DOCK3: variants seen among roughly 807,000 people sequenced by gnomAD.
DOCK3 encodes dedicator of cytokinesis protein 3.
Under a neutral mutation model 265.6 loss-of-function variants are expected in DOCK3, and 60 were observed. The ratio of observed to expected loss-of-function variants is 0.23; its 90% confidence interval spans 0.18 to 0.28. The LOEUF (loss-of-function observed/expected upper bound fraction) is 0.28. Ranked by LOEUF, DOCK3 falls within the 10% of genes least tolerant of loss-of-function variation. The pLI, the probability that DOCK3 is intolerant of heterozygous loss-of-function variation, is 1.00. For missense variants in DOCK3, 1,981 were observed against 2,594.3 expected (o/e 0.76, Z 5.14); for synonymous variants, 881 against 938.0 (o/e 0.94, Z 1.11).
In DOCK3 at chr3:51,277,697, G is replaced by A. The variant is rs761737213; in HGVS notation, c.2766G>A (p.Ser922=). 1.1e-5 allele frequency: 17 copies of A among 1,610,558 alleles called. No homozygotes were observed. Among genetic ancestry groups the A allele is most frequent in the Non-Finnish European group, 1.4e-5 (16 of 1,178,812 alleles). Reference sequence around the variant, plus strand: ...CTCTGCTCACCATCATGAGCAAATCGCACGCTCAGGAGGCGGTAAGAGGGC... The same window carrying A: ...CTCTGCTCACCATCATGAGCAAATCACACGCTCAGGAGGCGGTAAGAGGGC... ...LQTLLTIMSK[S]HAQEAVRGQR... is the part of the protein sequence containing the mutation. The change falls in exon 26 of 53, where the codon TCG becomes TCA. Residue 922 remains serine, a synonymous_variant. Coordinates refer to ENST00000266037, the MANE Select transcript of DOCK3 (RefSeq NM_004947.5).
intron 5 of DOCK3, among the ~76,000 whole-genome samples, chr3:50,974,522 A>AT (rs2077365332): frequency 6.6e-6 from 1 of 151,852 alleles, no homozygotes; most frequent in Admixed American, 6.6e-5. Flanking sequence ...TACCAGTAGC[A>AT]TGCTGTTTTG....
chr3:50,874,600 T>C (rs1414337924), intron 3 of DOCK3, among the ~76,000 whole-genome samples: 1 of 152,184 alleles, frequency 6.6e-6, no homozygotes, highest in African/African-American at 2.4e-5. Context: ...TTTCCATTTA[T>C]TTTGTGTCCT....
chr3:51,037,504 G>A lies in DOCK3; in HGVS notation c.316-26944G>A, dbSNP rs115638822. On this transcript the variant is annotated intron_variant, in intron 5 of 52. Transcript: ENST00000266037. ...AATATTAGTCATGTATTACATGCCC[G>A]ACATTGTTATAGGTTCTAGAGTTGC... Among the ~76,000 whole-genome samples, 980 of 152,102 alleles carry A rather than the reference G, an allele frequency of 6.4e-3. 6 individuals carry two copies. Among genetic ancestry groups the A allele is most frequent in the Non-Finnish European group, 0.011 (752 of 67,994 alleles).
At chr3:51,229,719 TTTGTTG>T (rs533052192) in intron 19 of DOCK3, 110 bp downstream of exon 19, 3 of 771,670 alleles carry the variant, frequency 3.9e-6, no homozygotes, top group East Asian at 3.2e-5. Context: ...TCATCAGATT[TTTGTTG>T]TTGTTGTTGT....
At chr3:51,287,404 A>G (rs985310253) in intron 27 of DOCK3, among the ~76,000 whole-genome samples, 1 of 151,986 alleles carries the variant, frequency 6.6e-6, no homozygotes, top group African/African-American at 2.4e-5. Flanking sequence ...TAAAATAAAA[A>G]TTACCCAGAC....
At chr3:50,868,107 C>G (rs1185328688) in intron 3 of DOCK3, among the ~76,000 whole-genome samples, 1 of 150,722 alleles carries the variant, frequency 6.6e-6, no homozygotes, top group Non-Finnish European at 1.5e-5. Flanking sequence ...TGGAGTCTCA[C>G]TCTGTCGCCA....
At chr3:51,024,473 G>C (rs137954658) in intron 5 of DOCK3, among the ~76,000 whole-genome samples, 3 of 152,286 alleles carry the variant, frequency 2.0e-5, no homozygotes, top group Middle Eastern at 3.4e-3. Context: ...AGGTAACTGG[G>C]GGGTCAGGGG....
intron 1 of DOCK3, among the ~76,000 whole-genome samples, chr3:50,736,561 T>G (rs930311362): frequency 6.6e-6 from 1 of 152,194 alleles, no homozygotes; most frequent in African/African-American, 2.4e-5. Flanking sequence ...CTCCAGCATC[T>G]GTTGTTTCCT....
intron 21 of DOCK3, among the ~76,000 whole-genome samples, chr3:51,246,061 G>A (rs899935992): frequency 2.6e-5 from 4 of 152,112 alleles, no homozygotes; most frequent in Non-Finnish European, 5.9e-5. Context: ...AGATGACTGA[G>A]TCCTAAGGAA....
intron 1 of DOCK3, among the ~76,000 whole-genome samples, chr3:50,696,272 C>T (rs1158821611): frequency 1.3e-5 from 2 of 152,156 alleles, no homozygotes; most frequent in Non-Finnish European, 1.5e-5. Flanking sequence ...CTTCATATGC[C>T]CAGTTATTGA....
At chr3:51,325,466 A>C (rs1031068285) in intron 32 of DOCK3, among the ~76,000 whole-genome samples, 2 of 152,194 alleles carry the variant, frequency 1.3e-5, no homozygotes, top group Non-Finnish European at 2.9e-5. Context: ...TGTTCGTGGG[A>C]GTGTAAATTA....
intron 3 of DOCK3, among the ~76,000 whole-genome samples, chr3:50,849,927 A>T (rs942364397): frequency 2.6e-5 from 4 of 151,812 alleles, no homozygotes; most frequent in Non-Finnish European, 5.9e-5. Context: ...TTAAAAAACC[A>T]ATATTTAAGC....
intron 51 of DOCK3, chr3:51,379,720 T>G: frequency 1.2e-6 from 1 of 838,826 alleles, no homozygotes; most frequent in African/African-American, 1.8e-5. Flanking sequence ...GGAAGGATCC[T>G]GCTGGGCTTT....
In DOCK3 at chr3:51,225,532, G is replaced by A. The variant is rs188730224; in HGVS notation, c.1253-117G>A. The A allele has an allele frequency of 1.0e-5, 15 of 1,449,542 alleles. No homozygotes were observed. In the African/African-American group the frequency reaches 1.6e-4, roughly 15 times the overall value. 89.8% of individuals were successfully genotyped at this position (1,449,542 alleles called of 1,614,324 possible). A position where few individuals can be genotyped will look rare whatever the true frequency, so the allele number is the denominator to read the frequency against. Reference sequence around the variant, plus strand: ...TGTCCATCATTATTAACCAAGCTTGGAATGCCCTGAACACCCACCCAAGCC... The same window carrying A: ...TGTCCATCATTATTAACCAAGCTTGAAATGCCCTGAACACCCACCCAAGCC... On this transcript the variant is annotated intron_variant, in intron 14 of 52. Transcript: ENST00000266037.
intron 27 of DOCK3, among the ~76,000 whole-genome samples, chr3:51,281,003 C>T (rs1187811354): frequency 6.6e-6 from 1 of 152,172 alleles, no homozygotes; most frequent in East Asian, 1.9e-4. Context: ...AGATGATTCT[C>T]CAGAATCATT....
chr3:51,007,762 T>C (rs1250961258), intron 5 of DOCK3, among the ~76,000 whole-genome samples: 1 of 152,158 alleles, frequency 6.6e-6, no homozygotes, highest in Admixed American at 6.5e-5. Flanking sequence ...TAGGTCAACA[T>C]TTAAGTCTTT....
At position 51,048,514 on chromosome 3, in the gene DOCK3, T is replaced by C. The variant is rs866976138; in HGVS notation, c.316-15934T>C. Among the ~76,000 whole-genome samples the C allele has an allele frequency of 2.0e-5, 3 of 152,232 alleles. No homozygotes were observed. In the South Asian group the frequency reaches 6.2e-4, roughly 31 times the overall value. Reference sequence around the variant, plus strand: ...TCTAAACATGAAATTCACTGATGTTTAGTATACACTTTATACACATAGCCT... The same window carrying C: ...TCTAAACATGAAATTCACTGATGTTCAGTATACACTTTATACACATAGCCT... On this transcript the variant is annotated intron_variant, in intron 5 of 52. Transcript: ENST00000266037.
At chr3:51,312,120 C>T (rs754068135) in intron 29 of DOCK3, 41 bp downstream of exon 29, 78 of 1,527,610 alleles carry the variant, frequency 5.1e-5, no homozygotes, top group Admixed American at 1.5e-4. Flanking sequence ...ATTGCAATAA[C>T]CTTAGAAAGC....
chr3:51,297,907 A>G (rs1035126678), intron 27 of DOCK3, among the ~76,000 whole-genome samples: 1 of 152,074 alleles, frequency 6.6e-6, no homozygotes, highest in Non-Finnish European at 1.5e-5. Flanking sequence ...GGATCCCTTG[A>G]GTTCAGGAGT....
Sources: allele counts gnomAD v4.1 joint callset (sites outside exome capture counted in the v4.1 genomes callset), GRCh38; gene constraint gnomAD v4.1.1; transcripts MANE v1.5; gene names NCBI Gene and HGNC (gene_info 2026-07-23, HGNC 2026-07-21).